SMCO3: variants seen among roughly 807,000 people sequenced by gnomAD.
SMCO3 encodes the protein single-pass membrane and coiled-coil domain-containing protein 3.
A neutral mutation model predicts 12.0 loss-of-function variants in SMCO3; 6 were observed. The ratio of observed to expected loss-of-function variants is 0.50; its 90% CI spans 0.27 to 0.99. SMCO3 has a LOEUF of 0.99. Among genes scored for constraint, SMCO3 ranks in the 50% least tolerant of loss-of-function variants. SMCO3 has a pLI of 0.11. For synonymous variants in SMCO3, 96 were observed against 96.4 expected (o/e 1.00, Z 0.02); for missense variants, 279 against 265.0 (o/e 1.05, Z -0.37).
Position 14,806,015 on chromosome 12 carries a change from G to T in SMCO3, c.666C>A (p.His222Gln). Residue 222 changes from histidine to glutamine, a missense_variant, in exon 2 of 2, where the codon CAC becomes CAA. By Grantham distance (24) the His-to-Gln change is conservative. Transcript: ENST00000316048. ...ATAAAACGGCTGTTCATTTCATTTG[G>T]TGTTTCACTGTATTGATGACCTCAG... ...AITEVINTVK[H>Q]QMK The T allele has an allele frequency of 6.2e-7, 1 of 1,604,966 alleles. No individual in the cohort carries two copies. Among genetic ancestry groups the T allele is most frequent in the Non-Finnish European group, 8.5e-7 (1 of 1,174,878 alleles).
chr12:14,806,155 C>T lies in SMCO3; in HGVS notation c.526G>A (p.Val176Ile), dbSNP rs61732281. 3.1e-3 allele frequency: 4,998 copies of T among 1,614,082 alleles called. 131 individuals are homozygous for T. The African/African-American group carries it at 0.058, about 19-fold the overall frequency. The change falls in exon 2 of 2, where the codon GTC (valine) becomes ATC (isoleucine). Residue 176 changes from valine to isoleucine, a missense_variant. Physicochemically the swap from Val to Ile is conservative, Grantham distance 29. Transcript: ENST00000316048. ...TCCACTGCTCCCAGGATGGCACGGA[C>T]AATCATATCTATGCCAAGGCCAAGA... Reference protein sequence around the residue: ...AVLGLGIDMIVRAILGAVEKT... With the variant: ...AVLGLGIDMIIRAILGAVEKT...
In SMCO3 at chr12:14,805,886, G is replaced by T; in HGVS notation, c.*117C>A. ...CATCTCCAGTTTCCCTCTCCAAATT[G>T]TTTATCTTATTTAAGTCCATATTGG... On this transcript the variant is annotated 3_prime_UTR_variant, in exon 2 of 2. Transcript: ENST00000316048. The T allele has an allele frequency of 9.4e-7, 1 of 1,067,148 alleles. No homozygotes were observed. Among genetic ancestry groups the T allele is most frequent in the Non-Finnish European group, 1.4e-6 (1 of 740,530 alleles). The allele number at this position is 1,067,148 out of a possible 1,614,324, so 66.1% of individuals were successfully genotyped here. A position where few individuals can be genotyped will look rare whatever the true frequency, so the allele number is the denominator to read the frequency against.
In SMCO3 at chr12:14,806,604, A is replaced by G; in HGVS notation, c.77T>C (p.Leu26Pro). ...EEVNRLHQQL[L>P]DCLSDSFDVT... Reference sequence around the variant, plus strand: ...ATCGAAGCTGTCAGATAAGCAATCAAGAAGCTGCTGGTGAAGACGATTTAC... The same window carrying G: ...ATCGAAGCTGTCAGATAAGCAATCAGGAAGCTGCTGGTGAAGACGATTTAC... The change falls in exon 2 of 2, where the codon CTT becomes CCT. Residue 26 changes from leucine (L) to proline (P), a missense_variant. Coordinates refer to ENST00000316048, the MANE Select transcript of SMCO3 (RefSeq NM_001013698.2). 6.2e-7 allele frequency: 1 copy of G among 1,614,148 alleles called. No individual in the cohort carries two copies. Among genetic ancestry groups the G allele is most frequent in the Non-Finnish European group, 8.5e-7 (1 of 1,180,010 alleles).
In SMCO3 at chr12:14,806,231, A is replaced by G; in HGVS notation, c.450T>C (p.Thr150=). The change falls in exon 2 of 2, where the codon ACT becomes ACC. Residue 150 remains threonine (T), a synonymous_variant. Transcript: ENST00000316048. ...GAGAAGCACCAATTTGAGCTAACAC[A>G]GTGACCAACTTGTTAATTATGCCAG... The part of the protein sequence containing the change: ...VTTGIINKLV[T]VLAQIGASLL... 1.2e-6 allele frequency: 2 copies of G among 1,614,250 alleles called. No individual in the cohort carries two copies. The highest frequency in any genetic ancestry group is 1.7e-6 in the Non-Finnish European group (2 of 1,180,042).
chr12:14,806,366 C>A lies in SMCO3; in HGVS notation c.315G>T (p.Lys105Asn), dbSNP rs1565678389. Residue 105 changes from lysine (K) to asparagine (N), a missense_variant, in exon 2 of 2, where the codon AAG becomes AAT. Transcript: ENST00000316048. ...LYRKLQDIKEKETDKIAIVQK... is the reference protein window; with the variant it reads ...LYRKLQDIKENETDKIAIVQK... ...GCACTATTGCAATTTTGTCTGTTTCCTTTTCCTTAATATCCTGAAGTTTTC... is the reference window on the plus strand; with the variant it reads ...GCACTATTGCAATTTTGTCTGTTTCATTTTCCTTAATATCCTGAAGTTTTC... 4 of 1,614,150 alleles carry A rather than the reference C, an allele frequency of 2.5e-6. No individual in the cohort carries two copies. Among genetic ancestry groups the A allele is most frequent in the Non-Finnish European group, 3.4e-6 (4 of 1,180,022 alleles).
At chr12:14,808,510 C>T (rs760566422) in intron 1 of SMCO3, among the ~76,000 whole-genome samples, 4 of 152,220 alleles carry the variant, frequency 2.6e-5, no homozygotes, top group East Asian at 1.9e-4. Flanking sequence ...TCTAGCACTA[C>T]GGTTCTTATT....
At chr12:14,812,413 C>T (rs1422196898) in intron 1 of SMCO3, among the ~76,000 whole-genome samples, 7 of 151,638 alleles carry the variant, frequency 4.6e-5, no homozygotes, top group African/African-American at 9.7e-5. Flanking sequence ...CACTGCACGC[C>T]GGCCTGGGTG....
In SMCO3 at chr12:14,805,935, T is replaced by C. The variant is rs563407389; in HGVS notation, c.*68A>G. On this transcript the variant is annotated 3_prime_UTR_variant, in exon 2 of 2. Transcript: ENST00000316048. ...GGAAGCCTATAGAAAATGAACCTAA[T>C]CAAAGAAGCAAACACTGTTACTGAA... 1,501 of 1,448,254 alleles carry C rather than the reference T, an allele frequency of 1.0e-3. 5 individuals are homozygous for C. Among genetic ancestry groups the C allele is most frequent in the Non-Finnish European group, 1.3e-3 (1,420 of 1,069,242 alleles). The allele number at this position is 1,448,254 out of a possible 1,614,324, so 89.7% of individuals were successfully genotyped here.
At position 14,806,537 on chromosome 12, in the gene SMCO3, C is replaced by T; in HGVS notation, c.144G>A (p.Gly48=). 5 of 1,614,078 alleles carry T rather than the reference C, an allele frequency of 3.1e-6. No homozygotes were observed. The highest frequency in any genetic ancestry group is 4.2e-6 in the Non-Finnish European group (5 of 1,180,012). Residue 48 remains glycine, a synonymous_variant, in exon 2 of 2, where the codon GGG becomes GGA. Coordinates refer to ENST00000316048, the MANE Select transcript of SMCO3 (RefSeq NM_001013698.2). ...KLTEVLNMHL[G]CRLASIEMKR... is the part of the protein sequence containing the mutation. ...TCATCTCAATGGAGGCCAGCCTGCA[C>T]CCCAAGTGCATATTTAGAACCTCAG...
intron 1 of SMCO3, among the ~76,000 whole-genome samples, chr12:14,810,268 G>A (rs1407220579): frequency 6.6e-6 from 1 of 152,132 alleles, no homozygotes; most frequent in Non-Finnish European, 1.5e-5. Flanking sequence ...TACAGCTCAA[G>A]GTTATTTCTA....
chr12:14,808,564 A>AT (rs1382352643), intron 1 of SMCO3, among the ~76,000 whole-genome samples: 2 of 152,114 alleles, frequency 1.3e-5, no homozygotes, highest in Non-Finnish European at 2.9e-5. Context: ...AGGAATGAAG[A>AT]TTTTTTTCTT....
chr12:14,808,506 A>G (rs1204908722), intron 1 of SMCO3, among the ~76,000 whole-genome samples: 1 of 152,196 alleles, frequency 6.6e-6, no homozygotes, highest in Non-Finnish European at 1.5e-5. Context: ...GTCTTCTAGC[A>G]CTACGGTTCT....
Position 14,805,709 on chromosome 12 carries a change from C to T in SMCO3, c.*294G>A, listed in dbSNP as rs1344442408. 3.3e-5 allele frequency: 10 copies of T among 302,422 alleles called. No individual in the cohort carries two copies. The East Asian group carries it at 6.1e-4, about 18-fold the overall frequency. 18.7% of individuals were successfully genotyped at this position (302,422 alleles called of 1,614,324 possible). A position where few individuals can be genotyped will look rare whatever the true frequency, so the allele number is the denominator to read the frequency against. Reference sequence around the variant, plus strand: ...AGAAAAGAGAAAAGTAACCCCTATACTTGCTACTCTACGATAGCATTTACC... The same window carrying T: ...AGAAAAGAGAAAAGTAACCCCTATATTTGCTACTCTACGATAGCATTTACC... On this transcript the variant is annotated 3_prime_UTR_variant, in exon 2 of 2. Transcript: ENST00000316048.
In SMCO3 at chr12:14,805,532, T is replaced by C. The variant is rs902515298; in HGVS notation, c.*471A>G. ...AGATTTACTCTGATGGTCAAAAATA[T>C]GGTAGTATTTCTGTCTCATTCGAAG... On this transcript the variant is annotated 3_prime_UTR_variant, in exon 2 of 2. Transcript: ENST00000316048. 2.0e-5 allele frequency: 3 copies of C among 153,608 alleles called. 1 individual carries two copies. The highest frequency in any genetic ancestry group is 1.3e-4 in the Admixed American group (2 of 15,422). The allele number at this position is 153,608 out of a possible 1,614,324, so 9.5% of individuals were successfully genotyped here.
rs943874214 is a variant in SMCO3, at chr12:14,807,769, ATAAAT to A, written c.-16-1078_-16-1074del. ...TGATTATTCTCCATTTGCAAAGCTT[ATAAAT>A]TAAATTATTTAGAATAGTCTAAATA... On this transcript the variant is annotated intron_variant, in intron 1 of 1. Coordinates refer to ENST00000316048, the MANE Select transcript of SMCO3 (RefSeq NM_001013698.2). 5.9e-5 allele frequency among the ~76,000 whole-genome samples: 9 copies of A among 152,332 alleles called. No homozygotes were observed. The South Asian group carries it at 6.2e-4, about 11-fold the overall frequency.
intron 1 of SMCO3, among the ~76,000 whole-genome samples, chr12:14,807,804 C>T (rs1479058318): frequency 6.6e-6 from 1 of 152,016 alleles, no homozygotes; most frequent in South Asian, 2.1e-4. Flanking sequence ...TAAATAGTAT[C>T]GCACTTGGGC....
Position 14,804,833 on chromosome 12 carries a change from G to T in SMCO3, c.*1170C>A, listed in dbSNP as rs1950023237. The T allele has an allele frequency of 6.6e-6, 1 of 152,190 alleles. No individual in the cohort carries two copies. The highest frequency in any genetic ancestry group is 2.1e-4 in the South Asian group (1 of 4,836). 9.4% of individuals were successfully genotyped at this position (152,190 alleles called of 1,614,324 possible). Reference sequence around the variant, plus strand: ...TTTTATATGTAGCTACTATTTTTAAGATATGCTGAGCAGTTTTTATTTCAA... The same window carrying T: ...TTTTATATGTAGCTACTATTTTTAATATATGCTGAGCAGTTTTTATTTCAA... On this transcript the variant is annotated 3_prime_UTR_variant, in exon 2 of 2. Transcript: ENST00000316048.
At chr12:14,808,018 T>C (rs1950079928) in intron 1 of SMCO3, among the ~76,000 whole-genome samples, 1 of 151,966 alleles carries the variant, frequency 6.6e-6, no homozygotes, top group Non-Finnish European at 1.5e-5. Context: ...ATACAAAAAT[T>C]AGTTGGGTGT....
At chr12:14,806,812 A>C (rs1406812791) in intron 1 of SMCO3, 116 bp from the exon 2 acceptor site, 3 of 942,548 alleles carry the variant, frequency 3.2e-6, no homozygotes, top group Non-Finnish European at 4.7e-6. Context: ...GATGCTGTCT[A>C]AGGATAATTC....
Sources: allele counts gnomAD v4.1 joint callset (sites outside exome capture counted in the v4.1 genomes callset), GRCh38; gene constraint gnomAD v4.1.1; transcripts MANE v1.5; gene names NCBI Gene and HGNC (gene_info 2026-07-23, HGNC 2026-07-21).